Variants in CDH12 observed in about 807,000 individuals in gnomAD.
CDH12 encodes cadherin 12.
In CDH12, 41 loss-of-function variants were observed where a neutral mutation model predicts 74.1. The ratio of observed to expected loss-of-function variants is 0.55; its 90% CI spans 0.43 to 0.72. The LOEUF is 0.72. Among genes scored for constraint, CDH12 ranks in the 30% least tolerant of loss-of-function variants. The pLI is 0.00. For missense variants in CDH12, 945 were observed against 977.2 expected, an observed-to-expected ratio of 0.97 and a Z score of 0.44; for synonymous variants, 399 against 355.0, an observed-to-expected ratio of 1.12 and a Z score of -1.39.
rs73055911 is a variant in CDH12, at chr5:22,312,578, T to C, written c.-333+92679A>G. Among the ~76,000 whole-genome samples, 609 of 152,202 alleles carry C rather than the reference T, an allele frequency of 4.0e-3. 6 individuals carry two copies. The highest frequency in any genetic ancestry group is 0.014 in the African/African-American group (580 of 41,470). ...TATTGCTGCAAATATTCCAAACTGA[T>C]AATAATAAGGAACTTAGATAGTCTC... is the stretch of plus-strand genomic sequence containing the variant. On this transcript the variant is annotated intron_variant, in intron 3 of 14. Transcript: ENST00000382254.
chr5:22,634,436 A>C (rs1038950388), intron 1 of CDH12, among the ~76,000 whole-genome samples: 4 of 152,180 alleles, frequency 2.6e-5, no homozygotes, highest in African/African-American at 9.6e-5. Flanking sequence ...AAAGAGTAAT[A>C]GTGGTTATAC....
chr5:22,218,854 C>A (rs1015683969), intron 3 of CDH12, among the ~76,000 whole-genome samples: 1 of 151,592 alleles, frequency 6.6e-6, no homozygotes, highest in Non-Finnish European at 1.5e-5. Flanking sequence ...GCCTTTAATT[C>A]TGATTTCTAT....
At chr5:22,787,976 T>A (rs191834096) in intron 1 of CDH12, among the ~76,000 whole-genome samples, 1,625 of 152,284 alleles carry the variant, frequency 0.011, 17 homozygotes, top group South Asian at 0.035. Flanking sequence ...AATGAGTCAG[T>A]AAGTTCAGCC....
chr5:21,756,131 C>G (rs916963475), intron 13 of CDH12, among the ~76,000 whole-genome samples: 1 of 152,000 alleles, frequency 6.6e-6, no homozygotes, highest in African/African-American at 2.4e-5. Context: ...TTTTTTATGA[C>G]ATTGCAATCT....
At chr5:22,182,423 A>G (rs1580368658) in intron 4 of CDH12, among the ~76,000 whole-genome samples, 1 of 152,178 alleles carries the variant, frequency 6.6e-6, no homozygotes, top group South Asian at 2.1e-4. Flanking sequence ...AGAGGATTGC[A>G]TCAGTGTTAC....
intron 6 of CDH12, among the ~76,000 whole-genome samples, chr5:21,867,331 G>A (rs565875120): frequency 1.3e-5 from 2 of 152,286 alleles, no homozygotes; most frequent in South Asian, 2.1e-4. Flanking sequence ...CTCCAGCCTG[G>A]GGGACAAGAG....
At chr5:22,229,041 C>G (rs1580426420) in intron 3 of CDH12, among the ~76,000 whole-genome samples, 1 of 151,930 alleles carries the variant, frequency 6.6e-6, no homozygotes, top group Non-Finnish European at 1.5e-5. Context: ...TATCTCCAAC[C>G]AAAGCCACTA....
intron 1 of CDH12, among the ~76,000 whole-genome samples, chr5:22,516,035 A>G (rs1041802032): frequency 1.3e-5 from 2 of 152,164 alleles, no homozygotes; most frequent in East Asian, 1.9e-4. Flanking sequence ...TTAAAAAATA[A>G]CATACACATG....
chr5:21,861,848 T>C (rs541418579), intron 6 of CDH12, among the ~76,000 whole-genome samples: 1 of 152,062 alleles, frequency 6.6e-6, no homozygotes, highest in Non-Finnish European at 1.5e-5. Flanking sequence ...ATTATATGTA[T>C]TTTTTATTTT....
chr5:22,566,215 CT>C (rs1188598033), intron 1 of CDH12, among the ~76,000 whole-genome samples: 2 of 150,952 alleles, frequency 1.3e-5, no homozygotes, highest in Non-Finnish European at 3.0e-5. Flanking sequence ...ACTATGTGTC[CT>C]TTTTTTTGTT....
At chr5:22,782,605 A>C (rs1480464328) in intron 1 of CDH12, among the ~76,000 whole-genome samples, 12 of 152,176 alleles carry the variant, frequency 7.9e-5, no homozygotes, top group Non-Finnish European at 1.3e-4. Flanking sequence ...GTGAAAACAG[A>C]CTAATAGAAT....
intron 1 of CDH12, among the ~76,000 whole-genome samples, chr5:22,644,224 G>A (rs1018646310): frequency 1.1e-4 from 16 of 152,234 alleles, no homozygotes; most frequent in South Asian, 4.1e-4. Context: ...AAGGCTTGCC[G>A]AAAGCTGAGA....
At chr5:22,624,086 T>C (rs1738136654) in intron 1 of CDH12, among the ~76,000 whole-genome samples, 1 of 152,092 alleles carries the variant, frequency 6.6e-6, no homozygotes, top group African/African-American at 2.4e-5. Context: ...ATTTAATAAA[T>C]GGTACTGGGA....
At chr5:22,358,926 A>G (rs1166647542) in intron 3 of CDH12, among the ~76,000 whole-genome samples, 1 of 152,200 alleles carries the variant, frequency 6.6e-6, no homozygotes. Context: ...ATTTTGATGT[A>G]TTATATTTTT....
intron 10 of CDH12, among the ~76,000 whole-genome samples, chr5:21,794,497 A>C (rs780837856): frequency 6.6e-6 from 1 of 151,138 alleles, no homozygotes; most frequent in Admixed American, 6.6e-5. Flanking sequence ...ACATTCAGCT[A>C]CTCCTGCAGT....
At chr5:22,409,958 G>A (rs997037804) in intron 2 of CDH12, among the ~76,000 whole-genome samples, 14 of 151,864 alleles carry the variant, frequency 9.2e-5, no homozygotes, top group Non-Finnish European at 1.6e-4. Context: ...ATAAAAGTGC[G>A]GATGATGATT....
In CDH12 at chr5:22,849,458, C is replaced by G. The variant is rs531514772; in HGVS notation, c.-523+3600G>C. Among the ~76,000 whole-genome samples the G allele has an allele frequency of 9.3e-4, 142 of 152,206 alleles. 1 individual carries two copies. Among genetic ancestry groups the G allele is most frequent in the Admixed American group, 3.5e-3 (53 of 15,290 alleles). On this transcript the variant is annotated intron_variant, in intron 1 of 14. Coordinates refer to ENST00000382254, the MANE Select transcript of CDH12 (RefSeq NM_004061.5). ...TGTACTAAAGGTATATTCAACCTTA[C>G]TTGTATTTAGCATCGTGCTTTGCCG... is the stretch of plus-strand genomic sequence containing the variant.
chr5:22,643,233 G>T (rs1402227041), intron 1 of CDH12, among the ~76,000 whole-genome samples: 1 of 152,070 alleles, frequency 6.6e-6, no homozygotes. Flanking sequence ...AGTCTGTATT[G>T]TAATAATTTC....
At chr5:22,093,013 G>A (rs902236232) in intron 4 of CDH12, among the ~76,000 whole-genome samples, 5 of 152,126 alleles carry the variant, frequency 3.3e-5, no homozygotes, top group African/African-American at 1.2e-4. Flanking sequence ...ACATGAGAGT[G>A]CACATCCCTT....
Sources: gnomAD v4.1 joint callset for allele counts (sites outside exome capture counted in the v4.1 genomes callset) on GRCh38, gnomAD v4.1.1 for gene constraint, MANE v1.5 for transcripts, NCBI Gene and HGNC (gene_info 2026-07-23, HGNC 2026-07-21) for gene names.